The following TEAD1 variants were observed in gnomAD, a reference collection of about 807,000 sequenced individuals.
The protein encoded by TEAD1 is TEA domain transcription factor 1.
Under a neutral mutation model 54.9 loss-of-function variants are expected in TEAD1, and 9 were observed. The observed-to-expected ratio is 0.16, with a 90% CI of 0.10 to 0.29. The LOEUF (loss-of-function observed/expected upper bound fraction) is 0.29. Ranked by LOEUF, TEAD1 falls within the 10% of genes least tolerant of loss-of-function variation. TEAD1 has a pLI of 1.00. For missense variants in TEAD1, 387 were observed against 535.9 expected (o/e 0.72, Z 2.74); for synonymous variants, 200 against 187.8 (o/e 1.07, Z -0.53).
intron 10 of TEAD1, among the ~76,000 whole-genome samples, chr11:12,919,987 G>T (rs529674942): frequency 7.9e-4 from 120 of 152,262 alleles, no homozygotes; most frequent in African/African-American, 2.8e-3. Flanking sequence ...TGTTCCAGTG[G>T]TTAAACAGAT....
intron 12 of TEAD1, among the ~76,000 whole-genome samples, chr11:12,931,554 GTGTTC>G (rs1949010883): frequency 6.6e-6 from 1 of 152,112 alleles, no homozygotes; most frequent in Non-Finnish European, 1.5e-5. Context: ...TCAATCAGCA[GTGTTC>G]TGTTTTTTTG....
chr11:12,906,864 C>T (rs1948530832), intron 10 of TEAD1, among the ~76,000 whole-genome samples: 2 of 152,162 alleles, frequency 1.3e-5, no homozygotes, highest in East Asian at 3.9e-4. Context: ...AGTGTCCCAT[C>T]CAATGTATAT....
At chr11:12,700,308 C>T (rs2133837206) in intron 2 of TEAD1, among the ~76,000 whole-genome samples, 1 of 151,422 alleles carries the variant, frequency 6.6e-6, no homozygotes, top group African/African-American at 2.4e-5. Flanking sequence ...TCTTCCATAA[C>T]TAGAGATCCC....
At chr11:12,865,107 G>C (rs1358181790) in intron 5 of TEAD1, 7 of 650,366 alleles carry the variant, frequency 1.1e-5, no homozygotes, top group Non-Finnish European at 1.7e-5. Context: ...GTGTGTGTTT[G>C]CGTGTGTGTG....
chr11:12,677,605 A>G (rs980659128), intron 2 of TEAD1, among the ~76,000 whole-genome samples: 2 of 152,234 alleles, frequency 1.3e-5, no homozygotes, highest in African/African-American at 4.8e-5. Flanking sequence ...CAGAGCAACA[A>G]TTATGAGGGC....
chr11:12,783,040 G>A (rs557820864), intron 3 of TEAD1, among the ~76,000 whole-genome samples: 9 of 152,010 alleles, frequency 5.9e-5, no homozygotes, highest in African/African-American at 1.7e-4. Context: ...AGTAATCACC[G>A]TCAGTGTGAT....
chr11:12,688,127 G>T lies in TEAD1; in HGVS notation c.-55+12566G>T, dbSNP rs142513865. Among the ~76,000 whole-genome samples the T allele has an allele frequency of 3.8e-3, 586 of 152,232 alleles. 2 individuals are homozygous for T. The highest frequency in any genetic ancestry group is 0.013 in the African/African-American group (557 of 41,562). On this transcript the variant is annotated intron_variant, in intron 2 of 12. Coordinates refer to ENST00000527636, the MANE Select transcript of TEAD1 (RefSeq NM_021961.6). Reference sequence around the variant, plus strand: ...ACCTTGACTTCACTTTTTGAGAATGGGAGTGCTTGGGAACCTGCTGAGATG... The same window carrying T: ...ACCTTGACTTCACTTTTTGAGAATGTGAGTGCTTGGGAACCTGCTGAGATG...
chr11:12,717,132 G>A (rs530401017), intron 2 of TEAD1, among the ~76,000 whole-genome samples: 1 of 152,376 alleles, frequency 6.6e-6, no homozygotes, highest in East Asian at 1.9e-4. Context: ...TGTAATGAAT[G>A]TAGTTATACT....
At chr11:12,747,664 A>G (rs1944774630) in intron 2 of TEAD1, among the ~76,000 whole-genome samples, 1 of 152,024 alleles carries the variant, frequency 6.6e-6, no homozygotes, top group South Asian at 2.1e-4. Context: ...CTATTTGAGA[A>G]CCTACGGTGT....
At chr11:12,864,507 G>A (rs952116739) in intron 4 of TEAD1, among the ~76,000 whole-genome samples, 5 of 152,142 alleles carry the variant, frequency 3.3e-5, no homozygotes, top group Admixed American at 6.5e-5. Flanking sequence ...CTTGTGTCTG[G>A]CTGGGACTGT....
chr11:12,717,990 TAGTG>T (rs1454731130), intron 2 of TEAD1, among the ~76,000 whole-genome samples: 3 of 152,334 alleles, frequency 2.0e-5, no homozygotes, highest in East Asian at 3.9e-4. Flanking sequence ...GTCTGGCTCA[TAGTG>T]AGCAGCACGT....
At chr11:12,885,740 G>A (rs1055766058) in intron 9 of TEAD1, among the ~76,000 whole-genome samples, 8 of 152,140 alleles carry the variant, frequency 5.3e-5, no homozygotes. Flanking sequence ...CTCCCTCATT[G>A]TTAACTGTGC....
intron 2 of TEAD1, among the ~76,000 whole-genome samples, chr11:12,692,949 T>C (rs1943493294): frequency 6.6e-6 from 1 of 152,214 alleles, no homozygotes; most frequent in Non-Finnish European, 1.5e-5. Context: ...TTTCCCCCTT[T>C]TCCTTCTGTG....
chr11:12,705,874 G>A (rs1943804080), intron 2 of TEAD1, among the ~76,000 whole-genome samples: 1 of 152,156 alleles, frequency 6.6e-6, no homozygotes, highest in Non-Finnish European at 1.5e-5. Flanking sequence ...CAAATGAGGT[G>A]ATAAATTACT....
At chr11:12,918,649 G>A (rs747113) in intron 10 of TEAD1, among the ~76,000 whole-genome samples, 79,478 of 151,878 alleles carry the variant, frequency 0.52, 21,388 homozygotes, top group South Asian at 0.64. Context: ...TCCTAGGAAC[G>A]TCCAACAGAA....
At chr11:12,760,632 A>C (rs575420748) in intron 2 of TEAD1, among the ~76,000 whole-genome samples, 1 of 152,184 alleles carries the variant, frequency 6.6e-6, no homozygotes, top group Non-Finnish European at 1.5e-5. Flanking sequence ...TTAGATTTTA[A>C]TATTGATTAT....
intron 3 of TEAD1, among the ~76,000 whole-genome samples, chr11:12,853,891 G>C (rs1025589913): frequency 6.6e-6 from 1 of 152,214 alleles, no homozygotes; most frequent in Non-Finnish European, 1.5e-5. Flanking sequence ...GAAGTTCTGA[G>C]TAACCAGGAG....
At chr11:12,769,300 G>A (rs1945270661) in intron 3 of TEAD1, among the ~76,000 whole-genome samples, 1 of 152,136 alleles carries the variant, frequency 6.6e-6, no homozygotes, top group African/African-American at 2.4e-5. Context: ...GACAGCATAG[G>A]ACTTAGGATT....
intron 3 of TEAD1, among the ~76,000 whole-genome samples, chr11:12,772,255 C>A (rs1026724805): frequency 6.6e-6 from 1 of 152,128 alleles, no homozygotes; most frequent in South Asian, 2.1e-4. Context: ...GAAGGAGACA[C>A]GGTATCCTGA....
Sources: allele counts gnomAD v4.1 joint callset (sites outside exome capture counted in the v4.1 genomes callset), GRCh38; gene constraint gnomAD v4.1.1; transcripts MANE v1.5; gene names NCBI Gene and HGNC (gene_info 2026-07-23, HGNC 2026-07-21).